EYS: variants seen among roughly 807,000 people sequenced by gnomAD.
EYS encodes protein eyes shut homolog.
In EYS, 250 loss-of-function variants were observed where a neutral mutation model predicts 282.1. That is an observed-to-expected ratio of 0.89 (90% CI 0.80 to 0.98). The LOEUF (loss-of-function observed/expected upper bound fraction) is 0.98, where lower values mean the gene tolerates loss of function less well. EYS is among the 50% of genes least tolerant of loss of function. The pLI, the probability that EYS is intolerant of heterozygous loss-of-function variation, is 0.00. For synonymous variants in EYS, 1,355 were observed against 1,282.9 expected (o/e 1.06, Z -1.20); for missense variants, 4,016 against 3,709.0 (o/e 1.08, Z -2.15).
At chr6:64,976,881 T>C (rs1770489957) in intron 14 of EYS, among the ~76,000 whole-genome samples, 1 of 151,826 alleles carries the variant, frequency 6.6e-6, no homozygotes, top group African/African-American at 2.4e-5. Flanking sequence ...AATATACTTA[T>C]CAGTACTATT....
At chr6:65,040,846 A>G (rs370939784) in intron 13 of EYS, among the ~76,000 whole-genome samples, 56 of 151,854 alleles carry the variant, frequency 3.7e-4, no homozygotes, top group African/African-American at 1.3e-3. Flanking sequence ...TGGGATGATA[A>G]GTGGTCATTT....
intron 22 of EYS, among the ~76,000 whole-genome samples, chr6:64,694,356 T>A (rs1284934475): frequency 6.6e-6 from 1 of 152,132 alleles, no homozygotes; most frequent in African/African-American, 2.4e-5. Context: ...AGCAGAAGAT[T>A]GAGAGTAAAT....
chr6:65,397,446 T>G (rs1368863197), intron 7 of EYS, among the ~76,000 whole-genome samples: 1 of 152,022 alleles, frequency 6.6e-6, no homozygotes, highest in African/African-American at 2.4e-5. Flanking sequence ...TTGTCTAGTT[T>G]CCACTTATAA....
chr6:65,583,275 G>T (rs1192053450), intron 2 of EYS, among the ~76,000 whole-genome samples: 3 of 151,864 alleles, frequency 2.0e-5, no homozygotes, highest in African/African-American at 7.3e-5. Flanking sequence ...AAACTAATTT[G>T]CCGTAAGAAG....
Position 63,726,674 on chromosome 6 carries a change from G to C in EYS, c.8078C>G (p.Ser2693Cys). ...GCTTCTGAAAGATGGATCACTTATGGATAAAGCTGAGGGAAGGAGAGAAAG... is the reference window on the plus strand; with the variant it reads ...GCTTCTGAAAGATGGATCACTTATGCATAAAGCTGAGGGAAGGAGAGAAAG... Reference protein sequence around the residue: ...TTGIYCEQALSISDPSFRSNE... With the variant: ...TTGIYCEQALCISDPSFRSNE... Residue 2693 changes from serine to cysteine, a missense_variant, in exon 42 of 43, where the codon TCC becomes TGC. By Grantham distance (112) the Ser-to-Cys change is moderately radical. Coordinates refer to ENST00000503581, the MANE Select transcript of EYS (RefSeq NM_001142800.2). The C allele has an allele frequency of 6.4e-7, 1 of 1,550,896 alleles. No homozygotes were observed. The highest frequency in any genetic ancestry group is 8.7e-7 in the Non-Finnish European group (1 of 1,146,508).
intron 8 of EYS, among the ~76,000 whole-genome samples, chr6:65,372,982 T>TA (rs1765220594): frequency 1.3e-5 from 2 of 152,226 alleles, no homozygotes; most frequent in East Asian, 1.9e-4. Flanking sequence ...AAGAAATATA[T>TA]TTTTGTTCTC....
At chr6:65,339,941 G>GA (rs938246208) in intron 10 of EYS, among the ~76,000 whole-genome samples, 7 of 150,926 alleles carry the variant, frequency 4.6e-5, no homozygotes, top group Admixed American at 2.7e-4. Context: ...CATCCTATAA[G>GA]AAAAAAAGAG....
chr6:64,630,992 A>T (rs1304913134), intron 22 of EYS, among the ~76,000 whole-genome samples: 1 of 152,194 alleles, frequency 6.6e-6, no homozygotes, highest in South Asian at 2.1e-4. Flanking sequence ...GACGGATTGA[A>T]ATTACTTACC....
chr6:65,250,081 A>C (rs185094664), intron 12 of EYS, among the ~76,000 whole-genome samples: 1 of 152,142 alleles, frequency 6.6e-6, no homozygotes, highest in African/African-American at 2.4e-5. Context: ...ATGTGCTGGC[A>C]GATAGTATGT....
intron 31 of EYS, among the ~76,000 whole-genome samples, chr6:64,171,678 G>A (rs1015936955): frequency 2.0e-5 from 3 of 152,272 alleles, no homozygotes; most frequent in Non-Finnish European, 4.4e-5. Flanking sequence ...TGGCCTAAGT[G>A]ATAACAGAAA....
chr6:65,577,645 CA>C (rs1338800538), intron 2 of EYS, among the ~76,000 whole-genome samples: 1 of 151,024 alleles, frequency 6.6e-6, no homozygotes, highest in Non-Finnish European at 1.5e-5. Context: ...GGCAGTCTAC[CA>C]AATTGTAGAA....
intron 22 of EYS, among the ~76,000 whole-genome samples, chr6:64,666,223 T>G (rs1421621373): frequency 1.3e-5 from 2 of 152,182 alleles, no homozygotes; most frequent in African/African-American, 4.8e-5. Flanking sequence ...AACGTTCAAG[T>G]GTACCCCCAA....
intron 35 of EYS, among the ~76,000 whole-genome samples, chr6:63,886,984 A>T (rs2149722052): frequency 6.6e-6 from 1 of 152,306 alleles, no homozygotes; most frequent in South Asian, 2.1e-4. Flanking sequence ...TTAAGCATTA[A>T]TTGCTCTTAT....
At chr6:64,376,601 C>T (rs977711583) in intron 29 of EYS, among the ~76,000 whole-genome samples, 1 of 152,100 alleles carries the variant, frequency 6.6e-6, no homozygotes, top group Non-Finnish European at 1.5e-5. Flanking sequence ...TCTGCACTCT[C>T]TCTAGGATAA....
At chr6:63,997,984 A>G (rs1767912573) in intron 34 of EYS, among the ~76,000 whole-genome samples, 1 of 152,162 alleles carries the variant, frequency 6.6e-6, no homozygotes, top group Non-Finnish European at 1.5e-5. Context: ...TTAAATCTAA[A>G]TAAGTGGCCC....
At chr6:64,366,986 A>G (rs1187017435) in intron 29 of EYS, among the ~76,000 whole-genome samples, 1 of 152,122 alleles carries the variant, frequency 6.6e-6, no homozygotes, top group Non-Finnish European at 1.5e-5. Context: ...CAGATTTGAA[A>G]ATAAACTGTT....
At chr6:63,905,329 C>CT (rs377115720) in intron 35 of EYS, among the ~76,000 whole-genome samples, 11,031 of 118,314 alleles carry the variant, frequency 0.093, 680 homozygotes, top group African/African-American at 0.14. Flanking sequence ...CTTTTTTTTT[C>CT]TTTTTTTTTT....
intron 12 of EYS, among the ~76,000 whole-genome samples, chr6:65,265,542 G>C (rs2150261328): frequency 6.6e-6 from 1 of 152,088 alleles, no homozygotes; most frequent in Admixed American, 6.6e-5. Flanking sequence ...GCTTAATGTA[G>C]TGAGCTAAAC....
intron 30 of EYS, among the ~76,000 whole-genome samples, chr6:64,267,400 C>T (rs1418197209): frequency 1.3e-5 from 2 of 152,066 alleles, no homozygotes; most frequent in Non-Finnish European, 2.9e-5. Context: ...CCATACTTCA[C>T]CTCTCTTCCT....
Sources: gnomAD v4.1 joint callset for allele counts (sites outside exome capture counted in the v4.1 genomes callset) on GRCh38, gnomAD v4.1.1 for gene constraint, MANE v1.5 for transcripts, NCBI Gene and HGNC (gene_info 2026-07-23, HGNC 2026-07-21) for gene names.